The following DCBLD2 variants were observed in gnomAD, a reference collection of about 807,000 sequenced individuals.
The protein encoded by DCBLD2 is discoidin, CUB and LCCL domain-containing protein 2.
DCBLD2 carries 54 observed loss-of-function variants against 86.8 expected under a neutral mutation model. The ratio of observed to expected loss-of-function variants is 0.62; its 90% CI spans 0.50 to 0.78. DCBLD2 has a LOEUF of 0.78. DCBLD2 is among the 30% of genes least tolerant of loss of function. DCBLD2 has a pLI of 0.00. For missense variants in DCBLD2, 908 were observed against 954.2 expected, an observed-to-expected ratio of 0.95 and a Z score of 0.64; for synonymous variants, 354 against 341.3, an observed-to-expected ratio of 1.04 and a Z score of -0.41.
intron 3 of DCBLD2, among the ~76,000 whole-genome samples, chr3:98,839,158 T>TC (rs1491567104): frequency 2.5e-4 from 10 of 39,610 alleles, no homozygotes; most frequent in African/African-American, 7.7e-4. Context: ...TTTCTTTCTT[T>TC]CTTTCTTTCT....
At chr3:98,812,204 A>G (rs1203424953) in intron 10 of DCBLD2, 128 bp downstream of exon 10, 5 of 1,298,292 alleles carry the variant, frequency 3.9e-6, no homozygotes. Context: ...CATCCCTTTA[A>G]GAAGATATTG....
intron 9 of DCBLD2, chr3:98,814,030 T>C (rs1380704592): frequency 6.6e-6 from 1 of 152,170 alleles, no homozygotes; most frequent in Non-Finnish European, 1.5e-5. Flanking sequence ...AATAAGCATA[T>C]ATTGCCTAAA....
chr3:98,886,799 A>ACCCC (rs1483063834), intron 1 of DCBLD2, among the ~76,000 whole-genome samples: 1 of 102,296 alleles, frequency 9.8e-6, no homozygotes, highest in South Asian at 4.0e-4. Flanking sequence ...ATTACAGGAA[A>ACCCC]ACCCCCCCCC....
chr3:98,820,153 G>A, intron 7 of DCBLD2, 95 bp downstream of exon 7: 1 of 727,898 alleles, frequency 1.4e-6, no homozygotes, highest in Non-Finnish European at 2.0e-6. Context: ...ACAACTACGT[G>A]AGAAAGTACA....
chr3:98,852,564 C>T (rs1942859166), intron 2 of DCBLD2, among the ~76,000 whole-genome samples: 1 of 152,122 alleles, frequency 6.6e-6, no homozygotes, highest in Admixed American at 6.6e-5. Context: ...GTATTTCTTA[C>T]CAGGATTCCC....
chr3:98,832,729 AT>A (rs986852851), intron 3 of DCBLD2, among the ~76,000 whole-genome samples: 4 of 151,956 alleles, frequency 2.6e-5, no homozygotes, highest in Non-Finnish European at 5.9e-5. Context: ...ATTCTTGAAG[AT>A]TTTTTTCCTT....
chr3:98,830,026 C>T (rs998405590), intron 3 of DCBLD2, among the ~76,000 whole-genome samples: 3 of 152,128 alleles, frequency 2.0e-5, no homozygotes, highest in African/African-American at 7.2e-5. Context: ...TGCTTATTGG[C>T]CACATATGTG....
chr3:98,896,975 A>C (rs1482089388), intron 1 of DCBLD2, among the ~76,000 whole-genome samples: 1 of 152,232 alleles, frequency 6.6e-6, no homozygotes. Flanking sequence ...TTCACTTCCC[A>C]GTGTCACTTT....
At chr3:98,873,355 TAG>T (rs1367553022) in intron 2 of DCBLD2, among the ~76,000 whole-genome samples, 1 of 152,090 alleles carries the variant, frequency 6.6e-6, no homozygotes, top group African/African-American at 2.4e-5. Context: ...CTTTTTACAG[TAG>T]AGAGTAAACC....
At chr3:98,859,291 C>A (rs1942995772) in intron 2 of DCBLD2, among the ~76,000 whole-genome samples, 1 of 152,204 alleles carries the variant, frequency 6.6e-6, no homozygotes, top group African/African-American at 2.4e-5. Flanking sequence ...TAGACTCCAC[C>A]TCTGGGGGCA....
chr3:98,881,763 A>G lies in DCBLD2; in HGVS notation c.210T>C (p.Asp70=), dbSNP rs903399064. 16 of 1,590,960 alleles carry G rather than the reference A, an allele frequency of 1.0e-5. No homozygotes were observed. The highest frequency in any genetic ancestry group is 1.4e-5 in the Non-Finnish European group (16 of 1,164,736). ...LLEDAGAQQG[D]GCGHTVLGPE... The stretch of plus-strand genomic sequence containing the variant: ...GGCCTAGTACAGTGTGTCCACATCC[A>G]TCACCTTTAAAAAAAGTGAAAAGAA... Residue 70 remains aspartate, a synonymous_variant, in exon 2 of 16, where the codon GAT becomes GAC. Coordinates refer to ENST00000326840, the MANE Select transcript of DCBLD2 (RefSeq NM_080927.4).
chr3:98,828,750 A>G (rs561561134), intron 3 of DCBLD2, among the ~76,000 whole-genome samples: 1 of 152,318 alleles, frequency 6.6e-6, no homozygotes, highest in South Asian at 2.1e-4. Flanking sequence ...CAACATTTGT[A>G]CACAAAAGTT....
Position 98,799,621 on chromosome 3 carries a change from A to C in DCBLD2, c.2079T>G (p.Val693=). ...MDMSGHPTTS[V]GQPSTSTFKA... ...TGAAAGTGGATGTGGAGGGCTGACC[A>C]ACTGAAGTTGTGGGGTGCCCTGACA... Residue 693 remains valine (V), a synonymous_variant, in exon 16 of 16, where the codon GTT becomes GTG. Coordinates refer to ENST00000326840, the MANE Select transcript of DCBLD2 (RefSeq NM_080927.4). The C allele has an allele frequency of 6.2e-7, 1 of 1,614,002 alleles. No individual in the cohort carries two copies. The highest frequency in any genetic ancestry group is 8.5e-7 in the Non-Finnish European group (1 of 1,179,884).
chr3:98,877,823 T>G (rs765863386), intron 2 of DCBLD2, among the ~76,000 whole-genome samples: 11 of 151,956 alleles, frequency 7.2e-5, no homozygotes, highest in Admixed American at 3.3e-4. Context: ...AAAGAGGTAC[T>G]CAAATAATGA....
At chr3:98,875,064 C>T (rs906125018) in intron 2 of DCBLD2, among the ~76,000 whole-genome samples, 7 of 151,844 alleles carry the variant, frequency 4.6e-5, no homozygotes, top group African/African-American at 1.7e-4. Flanking sequence ...GAGGTGTTAG[C>T]CAATACAATT....
chr3:98,844,733 C>T (rs1474155421), intron 3 of DCBLD2, among the ~76,000 whole-genome samples: 2 of 152,124 alleles, frequency 1.3e-5, no homozygotes, highest in Non-Finnish European at 2.9e-5. Context: ...TAGGTTCTGC[C>T]TCACTCAGTA....
At chr3:98,850,422 G>C (rs1242971649) in intron 2 of DCBLD2, among the ~76,000 whole-genome samples, 1 of 152,092 alleles carries the variant, frequency 6.6e-6, no homozygotes, top group Non-Finnish European at 1.5e-5. Context: ...AGCTGTCCTG[G>C]GCCGCATGTG....
chr3:98,900,621 A>T (rs1943830529), intron 1 of DCBLD2: 1 of 162,778 alleles, frequency 6.1e-6, no homozygotes, highest in Non-Finnish European at 1.3e-5. Context: ...TGGATTGTAA[A>T]GAACATGTTC....
In DCBLD2 at chr3:98,820,768, CTTT is replaced by C. The variant is rs35665866; in HGVS notation, c.831-483_831-481del. ...GTTGGGTACTAATAGATTTCTTTTT[CTTT>C]TTTTTTTTTTTTTTAGGAGAAATCA... On this transcript the variant is annotated intron_variant, in intron 6 of 15. Transcript: ENST00000326840. The C allele has an allele frequency of 2.4e-3, 352 of 145,938 alleles. 6 individuals are homozygous for C. Among genetic ancestry groups the C allele is most frequent in the East Asian group, 4.5e-3 (23 of 5,080 alleles). The allele number at this position is 145,938 out of a possible 1,614,324, so 9.0% of individuals were successfully genotyped here. A position where few individuals can be genotyped will look rare whatever the true frequency, so the allele number is the denominator to read the frequency against.
Sources: gnomAD v4.1 joint callset for allele counts (sites outside exome capture counted in the v4.1 genomes callset) on GRCh38, gnomAD v4.1.1 for gene constraint, MANE v1.5 for transcripts, NCBI Gene and HGNC (gene_info 2026-07-23, HGNC 2026-07-21) for gene names.